Variants in NR3C1 observed in about 807,000 individuals in gnomAD.
NR3C1 encodes the protein nuclear receptor subfamily 3 group C member 1, also known as glucocorticoid receptor.
A neutral mutation model predicts 74.0 loss-of-function variants in NR3C1; 14 were observed. The observed-to-expected ratio is 0.19, with a 90% CI of 0.12 to 0.30. The LOEUF (loss-of-function observed/expected upper bound fraction) is 0.30. Among genes scored for constraint, NR3C1 ranks in the 10% least tolerant of loss-of-function variants. The probability of loss-of-function intolerance (pLI) is 1.00; values close to 1 mark genes in which losing one functional copy is unlikely to be tolerated. For missense variants in NR3C1, 695 were observed against 909.8 expected, an observed-to-expected ratio of 0.76 and a Z score of 3.04; for synonymous variants, 308 against 332.5, an observed-to-expected ratio of 0.93 and a Z score of 0.80.
chr5:143,388,369 T>G (rs2151908339), intron 2 of NR3C1, among the ~76,000 whole-genome samples: 1 of 152,344 alleles, frequency 6.6e-6, no homozygotes, highest in African/African-American at 2.4e-5. Flanking sequence ...CGAGAAAGAT[T>G]AGAAATATAA....
chr5:143,350,770 G>A (rs958999629), intron 2 of NR3C1, among the ~76,000 whole-genome samples: 2 of 152,184 alleles, frequency 1.3e-5, no homozygotes, highest in Admixed American at 1.3e-4. Flanking sequence ...TCTGAAAGAA[G>A]AACTTGCCAA....
intron 2 of NR3C1, among the ~76,000 whole-genome samples, chr5:143,317,567 CA>C (rs1164256911): frequency 6.6e-6 from 1 of 152,050 alleles, no homozygotes; most frequent in Non-Finnish European, 1.5e-5. Context: ...ATCAGAATGG[CA>C]AATGTAGTAG....
Position 143,318,421 on chromosome 5 carries a change from G to C in NR3C1, c.1185-4253C>G, listed in dbSNP as rs116084291. On this transcript the variant is annotated intron_variant, in intron 2 of 8. Transcript: ENST00000394464. ...CACTTTGAATGTATCTTTTACCCAT[G>C]CATGATTTTGTATTATCATGCATTA... 3.7e-3 allele frequency among the ~76,000 whole-genome samples: 566 copies of C among 152,162 alleles called. 4 individuals are homozygous for C. Among genetic ancestry groups the C allele is most frequent in the African/African-American group, 0.013 (549 of 41,530 alleles).
chr5:143,385,334 T>G (rs1220960824), intron 2 of NR3C1, among the ~76,000 whole-genome samples: 1 of 152,252 alleles, frequency 6.6e-6, no homozygotes, highest in African/African-American at 2.4e-5. Flanking sequence ...AACATTAGGC[T>G]ACTCTTCATC....
intron 1 of NR3C1, among the ~76,000 whole-genome samples, chr5:143,422,999 C>G (rs531029141): frequency 6.6e-6 from 1 of 152,180 alleles, no homozygotes; most frequent in Admixed American, 6.6e-5. Context: ...TTCATACTTG[C>G]AGGCCTTCGA....
intron 2 of NR3C1, among the ~76,000 whole-genome samples, chr5:143,350,104 TA>T: frequency 6.6e-6 from 1 of 152,166 alleles, no homozygotes; most frequent in African/African-American, 2.4e-5. Flanking sequence ...CACCAAATCA[TA>T]AAAGACCCTG....
chr5:143,299,304 G>A (rs954564377), intron 5 of NR3C1, among the ~76,000 whole-genome samples: 3 of 149,220 alleles, frequency 2.0e-5, no homozygotes, highest in Non-Finnish European at 4.4e-5. Context: ...GTGAGCCATC[G>A]CACCCAGCCC....
At chr5:143,335,488 T>C (rs1430188053) in intron 2 of NR3C1, among the ~76,000 whole-genome samples, 1 of 152,234 alleles carries the variant, frequency 6.6e-6, no homozygotes, top group Non-Finnish European at 1.5e-5. Flanking sequence ...TATAACTATT[T>C]AGACAATTTA....
intron 2 of NR3C1, among the ~76,000 whole-genome samples, chr5:143,340,476 ATT>A (rs3074500): frequency 1.5e-3 from 131 of 89,142 alleles, no homozygotes; most frequent in African/African-American, 4.5e-3. Context: ...TTTAAAGATG[ATT>A]TTTTTTTTTT....
intron 2 of NR3C1, among the ~76,000 whole-genome samples, chr5:143,348,472 C>T (rs1829684781): frequency 1.3e-5 from 2 of 152,096 alleles, no homozygotes; most frequent in Admixed American, 6.6e-5. Flanking sequence ...AAATTTGAGT[C>T]GACTGATATG....
chr5:143,394,079 T>A (rs1013281546), intron 2 of NR3C1, among the ~76,000 whole-genome samples: 3 of 151,876 alleles, frequency 2.0e-5, no homozygotes, highest in African/African-American at 4.8e-5. Flanking sequence ...GAAAAAAAAA[T>A]TATAAAACAA....
chr5:143,295,642 C>A (rs763256513), intron 6 of NR3C1, 52 bp from the exon 7 acceptor site: 113 of 1,481,242 alleles, frequency 7.6e-5, no homozygotes, highest in Non-Finnish European at 1.0e-4. Context: ...TACTTCCCCC[C>A]AAAAAGCACA....
At position 143,377,901 on chromosome 5, in the gene NR3C1, G is replaced by A. The variant is rs568634216; in HGVS notation, c.1184+21755C>T. On this transcript the variant is annotated intron_variant, in intron 2 of 8. Transcript: ENST00000394464. The stretch of plus-strand genomic sequence containing the variant: ...GAAAATATCCTTGGATCCCAAATAT[G>A]TCTGAGGGAGCTGAAGTTTCCGTTG... Among the ~76,000 whole-genome samples, 276 of 152,294 alleles carry A rather than the reference G, an allele frequency of 1.8e-3. 1 individual carries two copies. Among genetic ancestry groups the A allele is most frequent in the African/African-American group, 6.4e-3 (266 of 41,560 alleles).
intron 2 of NR3C1, among the ~76,000 whole-genome samples, chr5:143,337,899 G>A (rs1446468872): frequency 6.6e-6 from 1 of 152,174 alleles, no homozygotes; most frequent in African/African-American, 2.4e-5. Flanking sequence ...CTGGGGAGGA[G>A]GAACAAAATA....
intron 7 of NR3C1, among the ~76,000 whole-genome samples, chr5:143,283,245 C>CTAAAATATAAGCATTTTCTTAG (rs1271877794): frequency 6.6e-6 from 1 of 152,158 alleles, no homozygotes; most frequent in Non-Finnish European, 1.5e-5. Flanking sequence ...TTACTGCACT[C>CTAAAATATAAGCATTTTCTTAG]TAAAATATAA....
chr5:143,402,596 C>G, intron 1 of NR3C1: 1 of 985,434 alleles, frequency 1.0e-6, no homozygotes, highest in Non-Finnish European at 1.2e-6. Context: ...AGAAGTACGT[C>G]CAGACCTGTT....
Position 143,300,713 on chromosome 5 carries a change from C to G in NR3C1, c.1519G>C (p.Val507Leu). 6.2e-7 allele frequency: 1 copy of G among 1,614,156 alleles called. No homozygotes were observed. The change falls in exon 5 of 9, where the codon GTC (valine) becomes CTC (leucine). Residue 507 changes from valine to leucine, a missense_variant. This residue lies in a region of NR3C1 where 42 missense variants were observed against 49.3 expected (regional missense o/e 0.85). Transcript: ENST00000394464. This position sits in a 1 kb window ranked among gnomAD's most constrained non-coding sequence, Gnocchi z 5.2. ...IKGIQQATTG[V>L]SQETSENPGN... ...GGATTTTCAGAGGTTTCTTGTGAGACTCCTGTAGTGGCCTGCTGAATTCCT... is the reference window on the plus strand; with the variant it reads ...GGATTTTCAGAGGTTTCTTGTGAGAGTCCTGTAGTGGCCTGCTGAATTCCT...
At chr5:143,305,776 T>C (rs544599292) in intron 4 of NR3C1, among the ~76,000 whole-genome samples, 1 of 152,278 alleles carries the variant, frequency 6.6e-6, no homozygotes, top group East Asian at 1.9e-4. Context: ...AAGCACCTGT[T>C]AGGTACTGTG....
intron 2 of NR3C1, among the ~76,000 whole-genome samples, chr5:143,397,173 T>A (rs1277712575): frequency 6.6e-6 from 1 of 151,720 alleles, no homozygotes; most frequent in Non-Finnish European, 1.5e-5. Context: ...AAGTGAGGAT[T>A]TTTTTTTAAG....
Sources: gnomAD v4.1 joint callset for allele counts (sites outside exome capture counted in the v4.1 genomes callset) on GRCh38, gnomAD v4.1.1 for gene constraint, gnomAD v4.1.1 regional missense constraint, Gnocchi (gnomAD v3.1) non-coding constraint, MANE v1.5 for transcripts, NCBI Gene and HGNC (gene_info 2026-07-23, HGNC 2026-07-21) for gene names.